Variants in OPCML observed in about 807,000 individuals in gnomAD.
The protein encoded by OPCML is opioid binding protein/cell adhesion molecule like, also known as opioid-binding protein/cell adhesion molecule.
Under a neutral mutation model 37.8 loss-of-function variants are expected in OPCML, and 13 were observed. The observed-to-expected ratio is 0.34, with a 90% CI of 0.22 to 0.55. The LOEUF (loss-of-function observed/expected upper bound fraction) is 0.55. OPCML is among the 20% of genes least tolerant of loss of function. OPCML has a pLI of 0.91. For missense variants in OPCML, 341 were observed against 435.6 expected (o/e 0.78, Z 1.93); for synonymous variants, 176 against 168.8 (o/e 1.04, Z -0.33).
At chr11:133,235,131 C>T (rs1940452926) in intron 1 of OPCML, among the ~76,000 whole-genome samples, 1 of 152,046 alleles carries the variant, frequency 6.6e-6, no homozygotes, top group South Asian at 2.1e-4. Context: ...TCAGGGGTCA[C>T]AGAGAATTCC....
At chr11:133,152,572 C>A (rs534608532) in intron 1 of OPCML, among the ~76,000 whole-genome samples, 1 of 151,046 alleles carries the variant, frequency 6.6e-6, no homozygotes, top group African/African-American at 2.5e-5. Context: ...CCTCCTGATC[C>A]CCCCCCAACC....
intron 1 of OPCML, among the ~76,000 whole-genome samples, chr11:133,134,745 C>T (rs948613992): frequency 6.6e-6 from 1 of 152,178 alleles, no homozygotes; most frequent in Non-Finnish European, 1.5e-5. Context: ...CATCCTGCTA[C>T]GACCACCAGG....
chr11:133,001,231 G>C (rs1238195777), intron 1 of OPCML, among the ~76,000 whole-genome samples: 2 of 152,096 alleles, frequency 1.3e-5, no homozygotes, highest in East Asian at 3.9e-4. Flanking sequence ...CAACAGGGTT[G>C]GAGTCCCTAT....
At chr11:132,682,609 C>T (rs75204108) in intron 2 of OPCML, among the ~76,000 whole-genome samples, 1,684 of 152,180 alleles carry the variant, frequency 0.011, 17 homozygotes, top group Middle Eastern at 0.054. Context: ...AGTTTGTGCC[C>T]ACAGGGCAAT....
At chr11:133,077,406 C>G (rs1358837829) in intron 1 of OPCML, among the ~76,000 whole-genome samples, 2 of 152,074 alleles carry the variant, frequency 1.3e-5, no homozygotes, top group African/African-American at 4.8e-5. Context: ...TAAAATAAAG[C>G]AAGATCCCTA....
chr11:132,787,069 G>A (rs185894761), intron 2 of OPCML, among the ~76,000 whole-genome samples: 2 of 152,270 alleles, frequency 1.3e-5, no homozygotes, highest in Admixed American at 1.3e-4. Context: ...GGTAAGGCCT[G>A]GGAATTTGCG....
At chr11:133,415,162 C>G (rs949259360) in intron 1 of OPCML, among the ~76,000 whole-genome samples, 1 of 152,158 alleles carries the variant, frequency 6.6e-6, no homozygotes, top group Non-Finnish European at 1.5e-5. Context: ...GTAATCCCAG[C>G]ACTTTGGGAG....
chr11:132,568,538 C>T (rs1246340802), intron 3 of OPCML, among the ~76,000 whole-genome samples: 4 of 152,138 alleles, frequency 2.6e-5, no homozygotes, highest in African/African-American at 9.7e-5. Flanking sequence ...TGCAGACACA[C>T]GCAGAGGAAA....
At position 132,596,352 on chromosome 11, in the gene OPCML, T is replaced by C. The variant is rs80012845; in HGVS notation, c.379+60735A>G. Among the ~76,000 whole-genome samples the C allele has an allele frequency of 3.9e-3, 601 of 152,328 alleles. 5 individuals carry two copies. Among genetic ancestry groups the C allele is most frequent in the Non-Finnish European group, 6.0e-3 (407 of 68,028 alleles). ...TTTATTTCTATGTGTCTCCCTCCTTTCTTCTTTTTCTTTTTTTTTAACAAA... is the reference window on the plus strand; with the variant it reads ...TTTATTTCTATGTGTCTCCCTCCTTCCTTCTTTTTCTTTTTTTTTAACAAA... On this transcript the variant is annotated intron_variant, in intron 3 of 7. Coordinates refer to ENST00000524381, the MANE Select transcript of OPCML (RefSeq NM_001012393.5).
intron 1 of OPCML, among the ~76,000 whole-genome samples, chr11:133,509,335 C>T (rs1948105037): frequency 6.6e-6 from 1 of 152,158 alleles, no homozygotes; most frequent in Admixed American, 6.5e-5. Flanking sequence ...GTTTTCTGTT[C>T]CAGTGTTAGT....
intron 4 of OPCML, among the ~76,000 whole-genome samples, chr11:132,482,584 T>C (rs962270038): frequency 1.3e-5 from 2 of 152,234 alleles, no homozygotes; most frequent in Non-Finnish European, 2.9e-5. Flanking sequence ...TCCAGCATCA[T>C]TCTGATACCA....
At chr11:132,873,718 A>C (rs968812619) in intron 2 of OPCML, among the ~76,000 whole-genome samples, 21 of 93,310 alleles carry the variant, frequency 2.3e-4, no homozygotes, top group Non-Finnish European at 3.5e-4. Context: ...TTGGGCACAA[A>C]AAAAAAAAAA....
chr11:132,964,834 A>G (rs953640741), intron 1 of OPCML, among the ~76,000 whole-genome samples: 3 of 152,168 alleles, frequency 2.0e-5, no homozygotes, highest in African/African-American at 4.8e-5. Flanking sequence ...GGAAGCTGTT[A>G]TACGCCAATT....
chr11:132,502,326 T>A (rs2096247298), intron 4 of OPCML, among the ~76,000 whole-genome samples: 1 of 152,194 alleles, frequency 6.6e-6, no homozygotes, highest in Non-Finnish European at 1.5e-5. Flanking sequence ...ACTTTTTATT[T>A]ATTTATCAGG....
At chr11:132,761,799 C>A (rs1946276199) in intron 2 of OPCML, among the ~76,000 whole-genome samples, 1 of 152,146 alleles carries the variant, frequency 6.6e-6, no homozygotes. Flanking sequence ...CCTTCTGAAG[C>A]CTACTTCTGT....
At chr11:132,732,695 A>G (rs557975782) in intron 2 of OPCML, among the ~76,000 whole-genome samples, 20 of 152,338 alleles carry the variant, frequency 1.3e-4, no homozygotes, top group South Asian at 4.1e-4. Flanking sequence ...AAAGGCCCCA[A>G]ATGGACAGCA....
chr11:132,938,720 G>A (rs1279445545), intron 2 of OPCML, among the ~76,000 whole-genome samples: 2 of 152,106 alleles, frequency 1.3e-5, no homozygotes, highest in Non-Finnish European at 2.9e-5. Flanking sequence ...CAGACACAGA[G>A]CTTTCTAGGG....
chr11:132,601,902 G>C (rs1937939217), intron 3 of OPCML, among the ~76,000 whole-genome samples: 1 of 152,086 alleles, frequency 6.6e-6, no homozygotes, highest in Non-Finnish European at 1.5e-5. Context: ...TTACACAGGG[G>C]CATGTTCTTG....
intron 1 of OPCML, among the ~76,000 whole-genome samples, chr11:133,504,948 T>C (rs546758847): frequency 7.9e-5 from 12 of 152,312 alleles, no homozygotes; most frequent in African/African-American, 2.4e-4. Flanking sequence ...ACAGGGACTT[T>C]ACATGTGACA....
Sources: allele counts gnomAD v4.1 joint callset (sites outside exome capture counted in the v4.1 genomes callset), GRCh38; gene constraint gnomAD v4.1.1; transcripts MANE v1.5; gene names NCBI Gene and HGNC (gene_info 2026-07-23, HGNC 2026-07-21).